IFT57: variants seen among roughly 807,000 people sequenced by gnomAD.
IFT57 encodes the protein intraflagellar transport 57.
In IFT57, 59 loss-of-function variants were observed where a neutral mutation model predicts 56.8. The ratio of observed to expected loss-of-function variants is 1.04; its 90% CI spans 0.84 to 1.29. IFT57 has a LOEUF of 1.29. Among genes scored for constraint, IFT57 ranks in the 50% most tolerant of loss-of-function variants. The probability of loss-of-function intolerance (pLI) is 0.00; values close to 1 mark genes in which losing one functional copy is unlikely to be tolerated. For missense variants in IFT57, 470 were observed against 522.1 expected (o/e 0.90, Z 0.97); for synonymous variants, 209 against 186.1 (o/e 1.12, Z -1.00).
At chr3:108,210,890 C>A (rs965657725) in intron 4 of IFT57, among the ~76,000 whole-genome samples, 1 of 152,178 alleles carries the variant, frequency 6.6e-6, no homozygotes, top group Admixed American at 6.5e-5. Context: ...AAGGTCTTTA[C>A]CTCATGGCTG....
intron 5 of IFT57, among the ~76,000 whole-genome samples, chr3:108,197,890 C>G (rs535260689): frequency 1.3e-5 from 2 of 152,260 alleles, no homozygotes; most frequent in South Asian, 4.1e-4. Flanking sequence ...AGAATAACAG[C>G]ACCTTCCTCA....
rs1370093502 is a variant in IFT57, at chr3:108,169,261, CAT to C, written c.778-1399_778-1398del. 2.6e-5 allele frequency among the ~76,000 whole-genome samples: 4 copies of C among 151,964 alleles called. No homozygotes were observed. In the East Asian group the frequency reaches 5.8e-4, roughly 22 times the overall value. ...TTAACAGTGGTGATGAGCTTTTTAT[CAT>C]ATGTTTTTTGGCCACATAAATGTCT... On this transcript the variant is annotated intron_variant, in intron 6 of 10. Transcript: ENST00000264538.
chr3:108,190,057 G>A lies in IFT57; in HGVS notation c.777+1464C>T, dbSNP rs1183192682. Among the ~76,000 whole-genome samples the A allele has an allele frequency of 2.6e-5, 4 of 152,132 alleles. No individual in the cohort carries two copies. In the East Asian group the frequency reaches 5.8e-4, roughly 22 times the overall value. On this transcript the variant is annotated intron_variant, in intron 6 of 10. Transcript: ENST00000264538. ...AGGGGAAGAGGAGGTGGAAGAGGAC[G>A]CAGAACAGCAGGCATACTGGTTGTA... is the stretch of plus-strand genomic sequence containing the variant.
At chr3:108,212,665 C>T (rs993254675) in intron 4 of IFT57, among the ~76,000 whole-genome samples, 1 of 152,174 alleles carries the variant, frequency 6.6e-6, no homozygotes, top group African/African-American at 2.4e-5. Context: ...CTATATAATA[C>T]TCTATTCAGA....
intron 4 of IFT57, among the ~76,000 whole-genome samples, chr3:108,208,329 C>A (rs1025688391): frequency 2.6e-4 from 40 of 152,138 alleles, no homozygotes; most frequent in African/African-American, 9.7e-4. Context: ...TACTTAACAA[C>A]CAGAGTAAAT....
chr3:108,185,435 C>G (rs534592734), intron 6 of IFT57, among the ~76,000 whole-genome samples: 2 of 151,770 alleles, frequency 1.3e-5, no homozygotes, highest in Admixed American at 1.3e-4. Context: ...AAGAATATCA[C>G]TGTGGAGAAA....
intron 8 of IFT57, 99 bp from the exon 9 acceptor site, chr3:108,165,592 T>A: frequency 1.2e-6 from 1 of 851,576 alleles, no homozygotes; most frequent in South Asian, 1.4e-5. Flanking sequence ...GGTCATTTTA[T>A]GACAACCCTG....
At chr3:108,189,454 T>C (rs2080203052) in intron 6 of IFT57, among the ~76,000 whole-genome samples, 1 of 152,160 alleles carries the variant, frequency 6.6e-6, no homozygotes, top group South Asian at 2.1e-4. Context: ...CAGCAATGTT[T>C]GTAAGATTTT....
intron 6 of IFT57, among the ~76,000 whole-genome samples, chr3:108,171,626 G>A (rs1026598587): frequency 5.9e-5 from 9 of 151,596 alleles, no homozygotes; most frequent in African/African-American, 1.7e-4. Flanking sequence ...ACGGAACAAG[G>A]CCCCTCCAAG....
At chr3:108,208,245 T>A (rs1242465254) in intron 4 of IFT57, among the ~76,000 whole-genome samples, 1 of 152,168 alleles carries the variant, frequency 6.6e-6, no homozygotes. Flanking sequence ...TCACTTTATA[T>A]CTTAAAACTG....
intron 5 of IFT57, among the ~76,000 whole-genome samples, chr3:108,205,910 TAATA>T (rs1477069338): frequency 7.8e-6 from 1 of 128,306 alleles, no homozygotes; most frequent in East Asian, 2.2e-4. Flanking sequence ...AATTATATAT[TAATA>T]TATATTATTT....
intron 7 of IFT57, 138 bp from the exon 8 acceptor site, chr3:108,167,123 T>G: frequency 1.5e-6 from 1 of 662,704 alleles, no homozygotes; most frequent in Non-Finnish European, 2.5e-6. Context: ...AAATTTTCAA[T>G]AGCACAAAAT....
intron 5 of IFT57, among the ~76,000 whole-genome samples, chr3:108,197,612 A>T (rs2080250699): frequency 6.6e-6 from 1 of 152,212 alleles, no homozygotes; most frequent in Admixed American, 6.5e-5. Flanking sequence ...AACTTCATGG[A>T]TATACTAGTG....
At chr3:108,176,512 T>G (rs957803048) in intron 6 of IFT57, among the ~76,000 whole-genome samples, 2 of 151,858 alleles carry the variant, frequency 1.3e-5, no homozygotes, top group Non-Finnish European at 2.9e-5. Context: ...TTCTCATAAC[T>G]CTCAATTCAA....
At chr3:108,162,888 C>A (rs772568031) in intron 10 of IFT57, among the ~76,000 whole-genome samples, 1 of 151,886 alleles carries the variant, frequency 6.6e-6, no homozygotes, top group Non-Finnish European at 1.5e-5. Flanking sequence ...TCTTCCTTTT[C>A]TAGGGGAAAG....
In IFT57 at chr3:108,222,241, C is replaced by T. The variant is rs776204260; in HGVS notation, c.82G>A (p.Val28Met). The T allele has an allele frequency of 1.2e-6, 2 of 1,614,038 alleles. No homozygotes were observed. Among genetic ancestry groups the T allele is most frequent in the Non-Finnish European group, 1.7e-6 (2 of 1,180,038 alleles). Residue 28 changes from valine to methionine, a missense_variant, in exon 1 of 11, where the codon GTG becomes ATG. Coordinates refer to ENST00000264538, the MANE Select transcript of IFT57 (RefSeq NM_018010.4). ...PRSRGEGTGE[V>M]VLERGPGAAY... ...GCGCCGGGCCCCCGCTCCAAGACCA[C>T]TTCCCCGGTCCCTTCGCCACGGGAC...
intron 6 of IFT57, among the ~76,000 whole-genome samples, chr3:108,179,557 G>T (rs761237653): frequency 3.3e-5 from 5 of 151,940 alleles, no homozygotes; most frequent in Non-Finnish European, 5.9e-5. Context: ...GGCACAAGCA[G>T]ATTTGCAATC....
chr3:108,192,171 T>G (rs2080219001), intron 5 of IFT57, among the ~76,000 whole-genome samples: 1 of 40,490 alleles, frequency 2.5e-5, no homozygotes, highest in Non-Finnish European at 4.6e-5. Flanking sequence ...CGAGACTCTG[T>G]CTCAAAAAAA....
chr3:108,209,838 C>A (rs117740785), intron 4 of IFT57, among the ~76,000 whole-genome samples: 2 of 152,262 alleles, frequency 1.3e-5, no homozygotes, highest in East Asian at 3.9e-4. Context: ...TCTTCTGGGT[C>A]TCCGGCTTGA....
Sources: allele counts gnomAD v4.1 joint callset (sites outside exome capture counted in the v4.1 genomes callset), GRCh38; gene constraint gnomAD v4.1.1; transcripts MANE v1.5; gene names NCBI Gene and HGNC (gene_info 2026-07-23, HGNC 2026-07-21).